SAMD12: variants seen among roughly 807,000 people sequenced by gnomAD.
The protein encoded by SAMD12 is sterile alpha motif domain containing 12.
In SAMD12, 9 loss-of-function variants were observed where a neutral mutation model predicts 15.0. The ratio of observed to expected loss-of-function variants is 0.60; its 90% confidence interval spans 0.36 to 1.05. The LOEUF (loss-of-function observed/expected upper bound fraction) is 1.05, where lower values mean the gene tolerates loss of function less well. SAMD12 is among the 50% of genes least tolerant of loss of function. SAMD12 has a pLI of 0.01. For missense variants in SAMD12, 230 were observed against 234.2 expected, an observed-to-expected ratio of 0.98 and a Z score of 0.12; for synonymous variants, 86 against 90.1, an observed-to-expected ratio of 0.96 and a Z score of 0.25.
intron 3 of SAMD12, among the ~76,000 whole-genome samples, chr8:118,390,960 C>G (rs1047210234): frequency 6.6e-6 from 1 of 151,964 alleles, no homozygotes; most frequent in Admixed American, 6.6e-5. Flanking sequence ...TTAATTCCCA[C>G]CTGAAATATA....
chr8:118,318,054 G>A (rs998060245), intron 4 of SAMD12, among the ~76,000 whole-genome samples: 13 of 152,004 alleles, frequency 8.6e-5, no homozygotes, highest in South Asian at 8.3e-4. Context: ...AACAATAGAT[G>A]GTGGTGTGGT....
intron 3 of SAMD12, among the ~76,000 whole-genome samples, chr8:118,419,576 CT>C (rs1821897647): frequency 2.0e-5 from 3 of 152,180 alleles, no homozygotes; most frequent in Admixed American, 2.0e-4. Context: ...CCAGCCATCA[CT>C]TCATCCTTTG....
At chr8:118,566,192 CT>C (rs1054922366) in intron 2 of SAMD12, among the ~76,000 whole-genome samples, 1 of 152,164 alleles carries the variant, frequency 6.6e-6, no homozygotes, top group African/African-American at 2.4e-5. Flanking sequence ...GATCTTCTTT[CT>C]TTTCTAAGTA....
intron 4 of SAMD12, among the ~76,000 whole-genome samples, chr8:118,330,939 G>A (rs1276993424): frequency 6.6e-6 from 1 of 151,998 alleles, no homozygotes; most frequent in African/African-American, 2.4e-5. Flanking sequence ...TAAGAAATCT[G>A]CACGTGTACC....
intron 1 of SAMD12, among the ~76,000 whole-genome samples, chr8:118,584,690 G>T (rs539196665): frequency 6.6e-6 from 1 of 152,254 alleles, no homozygotes; most frequent in Non-Finnish European, 1.5e-5. Context: ...AAAAATTTAA[G>T]AGAGAAATGT....
At chr8:118,494,439 C>G (rs1563893282) in intron 2 of SAMD12, among the ~76,000 whole-genome samples, 1 of 152,140 alleles carries the variant, frequency 6.6e-6, no homozygotes, top group Admixed American at 6.5e-5. Context: ...TAGTTATGTG[C>G]TAAATGTGTC....
chr8:118,615,838 T>C (rs1337801749), intron 1 of SAMD12, among the ~76,000 whole-genome samples: 1 of 152,076 alleles, frequency 6.6e-6, no homozygotes, highest in Non-Finnish European at 1.5e-5. Context: ...GGCTAGGAAA[T>C]ACAACAGTAC....
rs573531659 is a variant in SAMD12 at position 118,603,476 on chromosome 8, T to C, written c.13+18328A>G. ...CTAGAATATATTAGACACTTCAAAA[T>C]TGTGGGGAAAGATACTTTCCAACTT... is the stretch of plus-strand genomic sequence containing the variant. On this transcript the variant is annotated intron_variant, in intron 1 of 3. Transcript: ENST00000314727. 3.3e-5 allele frequency among the ~76,000 whole-genome samples: 5 copies of C among 152,302 alleles called. No individual in the cohort carries two copies. The South Asian group carries it at 6.2e-4, about 19-fold the overall frequency.
chr8:118,309,390 GTGTGTGTGTGTGTGTGTA>G (rs951811606), intron 4 of SAMD12, among the ~76,000 whole-genome samples: 2 of 151,446 alleles, frequency 1.3e-5, no homozygotes, highest in African/African-American at 2.4e-5. Flanking sequence ...ATGTGTGTGT[GTGTGTGTGTGTGTGTGTA>G]TGTGTATTAT....
At chr8:118,353,596 C>A (rs1294362484) in intron 4 of SAMD12, among the ~76,000 whole-genome samples, 1 of 152,146 alleles carries the variant, frequency 6.6e-6, no homozygotes, top group African/African-American at 2.4e-5. Flanking sequence ...AAATAGATTT[C>A]TGTGGTTTAA....
chr8:118,141,844 G>A, the SAMD12 span, among the ~76,000 whole-genome samples: 3 of 152,192 alleles, frequency 2.0e-5, no homozygotes, highest in Non-Finnish European at 4.4e-5. Flanking sequence ...CAAATGCAGA[G>A]AGAAGAATAA....
rs190799888 is a variant in SAMD12 at position 118,430,767 on chromosome 8, C to A, written c.322+9065G>T. ...TGTGTTAGTGTAATACATCTTTCTC[C>A]AATACTTTACTTTTAACCTGAGTAC... On this transcript the variant is annotated intron_variant, in intron 3 of 3. Coordinates refer to ENST00000314727, the MANE Select transcript of SAMD12 (RefSeq NM_207506.3). Among the ~76,000 whole-genome samples the A allele has an allele frequency of 2.0e-5, 3 of 152,066 alleles. No homozygotes were observed. In the East Asian group the frequency reaches 5.8e-4, roughly 29 times the overall value.
At chr8:118,451,957 A>T (rs1361590318) in intron 2 of SAMD12, among the ~76,000 whole-genome samples, 2 of 152,170 alleles carry the variant, frequency 1.3e-5, no homozygotes, top group Non-Finnish European at 2.9e-5. Flanking sequence ...TTGAAGCCCT[A>T]AGTCCCAACT....
chr8:118,439,172 C>T (rs1298955210), intron 3 of SAMD12, among the ~76,000 whole-genome samples: 3 of 152,146 alleles, frequency 2.0e-5, no homozygotes, highest in East Asian at 1.9e-4. Context: ...CTGACCTCCA[C>T]GTATAATATT....
chr8:118,298,813 CAATA>C (rs1263790568), intron 4 of SAMD12, among the ~76,000 whole-genome samples: 8 of 151,978 alleles, frequency 5.3e-5, no homozygotes, highest in African/African-American at 1.7e-4. Flanking sequence ...AAAGACATAG[CAATA>C]AATAACTATA....
At chr8:118,604,230 T>C (rs1827934981) in intron 1 of SAMD12, among the ~76,000 whole-genome samples, 1 of 152,214 alleles carries the variant, frequency 6.6e-6, no homozygotes, top group Non-Finnish European at 1.5e-5. Flanking sequence ...AGAATGTTTA[T>C]AAGCCACAAT....
intron 2 of SAMD12, among the ~76,000 whole-genome samples, chr8:118,531,657 G>T (rs1330698958): frequency 6.6e-6 from 1 of 152,100 alleles, no homozygotes; most frequent in African/African-American, 2.4e-5. Flanking sequence ...CTTGTAAGTT[G>T]GATTCTTAGG....
chr8:118,149,352 T>C, the SAMD12 span, among the ~76,000 whole-genome samples: 90 of 152,376 alleles, frequency 5.9e-4, 1 homozygote, highest in South Asian at 0.011. Context: ...TGTGAAGTGA[T>C]GGCTCATTGT....
intron 4 of SAMD12, among the ~76,000 whole-genome samples, chr8:118,302,078 G>GATTTTTTTTTT (rs1815062939): frequency 1.3e-5 from 1 of 74,692 alleles, no homozygotes; most frequent in African/African-American, 7.0e-5. Flanking sequence ...ATCTTTGAGA[G>GATTTTTTTTTT]TTTTTTTTTT....
Sources: allele counts gnomAD v4.1 joint callset (sites outside exome capture counted in the v4.1 genomes callset), GRCh38; gene constraint gnomAD v4.1.1; transcripts MANE v1.5; gene names NCBI Gene and HGNC (gene_info 2026-07-23, HGNC 2026-07-21).